Variants in PTPRD observed in about 807,000 individuals in gnomAD.
The protein encoded by PTPRD is protein tyrosine phosphatase receptor type D.
PTPRD carries 34 observed loss-of-function variants against 214.5 expected under a neutral mutation model. The observed-to-expected ratio is 0.16, with a 90% CI of 0.12 to 0.21. PTPRD has a LOEUF of 0.21. Ranked by LOEUF, PTPRD falls within the 10% of genes least tolerant of loss-of-function variation. The pLI, the probability that PTPRD is intolerant of heterozygous loss-of-function variation, is 1.00. For synonymous variants in PTPRD, 1,128 were observed against 845.7 expected (o/e 1.33, Z -5.79); for missense variants, 2,545 against 2,398.7 (o/e 1.06, Z -1.27).
intron 5 of PTPRD, among the ~76,000 whole-genome samples, chr9:9,853,353 T>C (rs1439148995): frequency 6.6e-6 from 1 of 152,052 alleles, no homozygotes; most frequent in Non-Finnish European, 1.5e-5. Context: ...TTCTTCTTGG[T>C]TTTTTCTCAG....
At chr9:9,263,444 G>C (rs1441148652) in intron 9 of PTPRD, among the ~76,000 whole-genome samples, 1 of 151,562 alleles carries the variant, frequency 6.6e-6, no homozygotes, top group East Asian at 2.0e-4. Flanking sequence ...AGTCAATAGT[G>C]TAACATAACC....
intron 9 of PTPRD, among the ~76,000 whole-genome samples, chr9:9,325,228 G>T (rs1969306247): frequency 1.3e-5 from 2 of 152,184 alleles, no homozygotes; most frequent in South Asian, 4.1e-4. Flanking sequence ...ATTCTGTGAA[G>T]AAAGTCCTTG....
rs2098837278 is a variant in PTPRD, at chr9:9,780,831, T to C, written c.-367-13980A>G. Among the ~76,000 whole-genome samples the C allele has an allele frequency of 2.0e-5, 3 of 152,326 alleles. No homozygotes were observed. The South Asian group carries it at 6.2e-4, about 32-fold the overall frequency. On this transcript the variant is annotated intron_variant, in intron 5 of 45. Transcript: ENST00000381196. The stretch of plus-strand genomic sequence containing the variant: ...ATAAACAAACTCTGATACATCCACA[T>C]AGTGGAATACTATTCATTGATAAAA...
At chr9:8,755,515 G>C (rs552627596) in intron 11 of PTPRD, among the ~76,000 whole-genome samples, 2 of 142,234 alleles carry the variant, frequency 1.4e-5, no homozygotes, top group African/African-American at 5.5e-5. Flanking sequence ...GGCAACAAGA[G>C]TGAAACTCTG....
intron 23 of PTPRD, 103 bp from the exon 24 acceptor site, chr9:8,501,162 C>T: frequency 1.2e-6 from 1 of 815,184 alleles, no homozygotes; most frequent in Non-Finnish European, 1.9e-6. Context: ...AATAAACGAA[C>T]AATAAGGACA....
chr9:10,212,369 A>T (rs997621961), intron 3 of PTPRD, among the ~76,000 whole-genome samples: 1 of 152,144 alleles, frequency 6.6e-6, no homozygotes, highest in African/African-American at 2.4e-5. Context: ...TTATATAATA[A>T]GTAAATTATG....
chr9:9,191,023 C>G (rs2099934811), intron 9 of PTPRD, among the ~76,000 whole-genome samples: 1 of 152,052 alleles, frequency 6.6e-6, no homozygotes, highest in Non-Finnish European at 1.5e-5. Context: ...CTTGTGTAAC[C>G]TCCTCCCCTT....
At chr9:10,590,168 C>T (rs2075062370) in intron 2 of PTPRD, among the ~76,000 whole-genome samples, 1 of 151,856 alleles carries the variant, frequency 6.6e-6, no homozygotes, top group African/African-American at 2.4e-5. Context: ...ATTTTATTGC[C>T]TTAAGAACAA....
At chr9:8,540,035 AT>A (rs1406229054) in intron 14 of PTPRD, among the ~76,000 whole-genome samples, 1 of 152,090 alleles carries the variant, frequency 6.6e-6, no homozygotes, top group African/African-American at 2.4e-5. Flanking sequence ...AAATCTGAGT[AT>A]TTGGGAATGA....
intron 3 of PTPRD, among the ~76,000 whole-genome samples, chr9:10,243,221 AT>A (rs1481747605): frequency 6.6e-6 from 1 of 151,890 alleles, no homozygotes; most frequent in Non-Finnish European, 1.5e-5. Context: ...TTGAGACTAA[AT>A]TTCCTTTTAT....
At chr9:10,465,565 A>G (rs1385739612) in intron 2 of PTPRD, among the ~76,000 whole-genome samples, 4 of 152,162 alleles carry the variant, frequency 2.6e-5, no homozygotes, top group South Asian at 2.1e-4. Flanking sequence ...AAAAATTTCT[A>G]TCACCTGGTG....
At chr9:10,115,045 G>GA (rs5896372) in intron 3 of PTPRD, among the ~76,000 whole-genome samples, 249 of 145,250 alleles carry the variant, frequency 1.7e-3, no homozygotes, top group Middle Eastern at 3.4e-3. Context: ...AAAAAAACGA[G>GA]AAAAAAAAAA....
chr9:10,378,519 T>G (rs1308575312), intron 2 of PTPRD, among the ~76,000 whole-genome samples: 1 of 152,032 alleles, frequency 6.6e-6, no homozygotes, highest in African/African-American at 2.4e-5. Flanking sequence ...ATCTCTAGTT[T>G]CATTCTTCTG....
intron 2 of PTPRD, among the ~76,000 whole-genome samples, chr9:10,463,409 T>C (rs1404463867): frequency 6.6e-6 from 1 of 152,060 alleles, no homozygotes; most frequent in Non-Finnish European, 1.5e-5. Flanking sequence ...AGATGACAGA[T>C]ATTGAAAACA....
intron 3 of PTPRD, among the ~76,000 whole-genome samples, chr9:10,049,960 T>C (rs1245168182): frequency 1.3e-5 from 2 of 152,200 alleles, no homozygotes; most frequent in Non-Finnish European, 2.9e-5. Flanking sequence ...AATCTAATCA[T>C]AGCACTTATC....
chr9:9,759,685 G>A (rs1327511055), intron 6 of PTPRD, among the ~76,000 whole-genome samples: 2 of 150,268 alleles, frequency 1.3e-5, no homozygotes, highest in African/African-American at 2.5e-5. Context: ...AGCCTCCCAA[G>A]TAGCTGAGAT....
chr9:9,480,527 A>G (rs186384553), intron 8 of PTPRD, among the ~76,000 whole-genome samples: 1 of 152,318 alleles, frequency 6.6e-6, no homozygotes, highest in African/African-American at 2.4e-5. Flanking sequence ...GAAACATTTT[A>G]AAAAGCAATA....
At chr9:9,547,827 A>C (rs1019896248) in intron 8 of PTPRD, among the ~76,000 whole-genome samples, 2 of 96,980 alleles carry the variant, frequency 2.1e-5, no homozygotes, top group African/African-American at 7.9e-5. Context: ...CACACACATC[A>C]GGAAAAAGTC....
chr9:10,378,112 A>G (rs1244971849), intron 2 of PTPRD, among the ~76,000 whole-genome samples: 1 of 152,022 alleles, frequency 6.6e-6, no homozygotes, highest in African/African-American at 2.4e-5. Context: ...TTTTAAATGG[A>G]GAGAGATGAT....
Sources: allele counts gnomAD v4.1 joint callset (sites outside exome capture counted in the v4.1 genomes callset), GRCh38; gene constraint gnomAD v4.1.1; transcripts MANE v1.5; gene names NCBI Gene and HGNC (gene_info 2026-07-23, HGNC 2026-07-21).